The following TBC1D1 variants were observed in gnomAD, a reference collection of about 807,000 sequenced individuals.
TBC1D1 encodes the protein TBC1 domain family member 1.
In TBC1D1, 89 loss-of-function variants were observed where a neutral mutation model predicts 125.6. That is an observed-to-expected ratio of 0.71 (90% CI 0.60 to 0.85). The LOEUF is 0.85. Among genes scored for constraint, TBC1D1 ranks in the 40% least tolerant of loss-of-function variants. The probability of loss-of-function intolerance (pLI) is 0.00; values close to 1 mark genes in which losing one functional copy is unlikely to be tolerated. For synonymous variants in TBC1D1, 565 were observed against 564.1 expected (o/e 1.00, Z -0.02); for missense variants, 1,377 against 1,469.2 (o/e 0.94, Z 1.03).
In TBC1D1 at chr4:38,021,597, TATG is replaced by T; in HGVS notation, c.1094_1096del (p.Met365del). The T allele has an allele frequency of 6.4e-7, 1 of 1,554,614 alleles. No individual in the cohort carries two copies. The highest frequency in any genetic ancestry group is 2.1e-5 in the Admixed American group (1 of 48,462). On this transcript the variant is annotated inframe_deletion, in exon 6 of 20. Coordinates refer to ENST00000261439, the MANE Select transcript of TBC1D1 (RefSeq NM_015173.4). ...TTCTCTTTGATTAGGTTGATGAAAT[TATG>T]ATGACCCTGAAACAGGCCTTCACGG...
At position 38,014,787 on chromosome 4, in the gene TBC1D1, G is replaced by A; in HGVS notation, c.696G>A (p.Met232Ile). The A allele has an allele frequency of 6.3e-7, 1 of 1,589,370 alleles. No homozygotes were observed. Among genetic ancestry groups the A allele is most frequent in the South Asian group, 1.1e-5 (1 of 90,598 alleles). The change falls in exon 3 of 20, where the codon ATG (methionine) becomes ATA (isoleucine). Residue 232 changes from methionine (M) to isoleucine (I), a missense_variant. Met to Ile is a conservative substitution (Grantham distance 10). Transcript: ENST00000261439. The surrounding 1 kb of genome is among the most constrained non-coding windows in gnomAD (Gnocchi z 5.1). ...GCCAGGAGCCTGTGCGCAGGCCCAT[G>A]CGCAAGTCCTTCTCCCAGCCCGGCC...
rs1162171157 is a variant in TBC1D1 at position 37,942,836 on chromosome 4, G to A, written c.417+40324G>A. ...ATTACAGGCGTGAGCCACCGTGCCC[G>A]GCTAGGTTAATATTGTTATATGTGA... On this transcript the variant is annotated intron_variant, in intron 2 of 19. Transcript: ENST00000261439. 3.3e-5 allele frequency among the ~76,000 whole-genome samples: 5 copies of A among 151,954 alleles called. 1 individual carries two copies. The highest frequency in any genetic ancestry group is 9.7e-5 in the African/African-American group (4 of 41,384).
chr4:38,079,079 G>A (rs538914673), intron 12 of TBC1D1, among the ~76,000 whole-genome samples: 13 of 150,318 alleles, frequency 8.6e-5, no homozygotes, highest in African/African-American at 2.7e-4. Flanking sequence ...GGCTGAGGAG[G>A]CCAGGGCTGG....
At chr4:37,944,293 T>A (rs932355353) in intron 2 of TBC1D1, among the ~76,000 whole-genome samples, 1 of 152,148 alleles carries the variant, frequency 6.6e-6, no homozygotes, top group Non-Finnish European at 1.5e-5. Context: ...GGGACCCACT[T>A]GAGGAGGCAG....
At chr4:37,952,019 T>C (rs1242473585) in intron 2 of TBC1D1, 1 of 717,658 alleles carries the variant, frequency 1.4e-6, no homozygotes, top group Non-Finnish European at 2.6e-6. Flanking sequence ...TCATCATCAC[T>C]GTAGGGGACC....
intron 2 of TBC1D1, among the ~76,000 whole-genome samples, chr4:37,933,433 TACACACAC>T (rs3038289): frequency 0.078 from 11,512 of 147,248 alleles, 530 homozygotes; most frequent in East Asian, 0.18. Context: ...ACATATGTTT[TACACACAC>T]ACACACACAC....
intron 14 of TBC1D1, among the ~76,000 whole-genome samples, chr4:38,100,537 C>G (rs1473306852): frequency 1.3e-5 from 2 of 152,176 alleles, no homozygotes; most frequent in Non-Finnish European, 2.9e-5. Context: ...ATTATATCTG[C>G]AAAGAAGGTA....
At chr4:38,090,341 T>C (rs1045901244) in intron 13 of TBC1D1, among the ~76,000 whole-genome samples, 1 of 152,262 alleles carries the variant, frequency 6.6e-6, no homozygotes, top group African/African-American at 2.4e-5. Context: ...CTATGGTCAC[T>C]GTTAGTACAG....
At chr4:38,121,298 C>T (rs574392912) in intron 17 of TBC1D1, among the ~76,000 whole-genome samples, 1 of 152,310 alleles carries the variant, frequency 6.6e-6, no homozygotes, top group African/African-American at 2.4e-5. Flanking sequence ...GCAGTGCAAG[C>T]TCACATAGGA....
chr4:37,901,600 C>T (rs1577753396), intron 1 of TBC1D1, among the ~76,000 whole-genome samples: 1 of 152,210 alleles, frequency 6.6e-6, no homozygotes, highest in African/African-American at 2.4e-5. Context: ...ATTTGTGATT[C>T]AGAACCTCTA....
chr4:38,064,118 T>C (rs1753259901), intron 12 of TBC1D1, among the ~76,000 whole-genome samples: 2 of 152,142 alleles, frequency 1.3e-5, no homozygotes, highest in African/African-American at 2.4e-5. Context: ...GCTTCTTTGA[T>C]TTAACATGTT....
chr4:37,949,800 G>C (rs151213671), intron 2 of TBC1D1, among the ~76,000 whole-genome samples: 3 of 152,234 alleles, frequency 2.0e-5, no homozygotes, highest in South Asian at 2.1e-4. Context: ...ACAATAGACG[G>C]TACCAAAAGA....
At chr4:38,061,983 A>G (rs1202148645) in intron 12 of TBC1D1, among the ~76,000 whole-genome samples, 1 of 152,206 alleles carries the variant, frequency 6.6e-6, no homozygotes, top group African/African-American at 2.4e-5. Context: ...AAATACAAGC[A>G]TAGTGACATC....
chr4:37,948,881 C>T (rs144715920), intron 2 of TBC1D1, among the ~76,000 whole-genome samples: 1 of 152,272 alleles, frequency 6.6e-6, no homozygotes, highest in African/African-American at 2.4e-5. Context: ...TATGTGGTCT[C>T]TTCTGCCTGA....
chr4:37,977,575 G>A lies in TBC1D1; in HGVS notation c.418-36934G>A. The A allele has an allele frequency of 1.6e-6, 1 of 619,170 alleles. No homozygotes were observed. Among genetic ancestry groups the A allele is most frequent in the Non-Finnish European group, 2.1e-6 (1 of 484,246 alleles). The allele number at this position is 619,170 out of a possible 1,614,324, so 38.4% of individuals were successfully genotyped here. Reference sequence around the variant, plus strand: ...GCCCGTTACCGGAGCGGAGCGGCAGGCGCGGGGCTGGAACATTTGTAACCT... The same window carrying A: ...GCCCGTTACCGGAGCGGAGCGGCAGACGCGGGGCTGGAACATTTGTAACCT... On this transcript the variant is annotated intron_variant, in intron 2 of 19. Transcript: ENST00000261439. The surrounding 1 kb of genome is among the most constrained non-coding windows in gnomAD (Gnocchi z 4.3).
chr4:37,929,406 T>G (rs983474292), intron 2 of TBC1D1, among the ~76,000 whole-genome samples: 4 of 152,204 alleles, frequency 2.6e-5, no homozygotes, highest in Non-Finnish European at 4.4e-5. Flanking sequence ...AGTTTCAAAA[T>G]TTAGCAACCG....
intron 17 of TBC1D1, chr4:38,118,425 G>A (rs1191775268): frequency 2.9e-5 from 15 of 523,388 alleles, no homozygotes; most frequent in East Asian, 1.3e-4. Context: ...ATGTGGATCC[G>A]ATCCGTGTAG....
chr4:37,955,145 A>G (rs1728681651), intron 2 of TBC1D1, among the ~76,000 whole-genome samples: 1 of 152,188 alleles, frequency 6.6e-6, no homozygotes, highest in South Asian at 2.1e-4. Flanking sequence ...ATGTTGTAAA[A>G]CACAAGTTAA....
chr4:38,133,430 A>C (rs1316470286), intron 19 of TBC1D1, among the ~76,000 whole-genome samples, 173 bp downstream of exon 21: 1 of 152,160 alleles, frequency 6.6e-6, no homozygotes, highest in Non-Finnish European at 1.5e-5. Flanking sequence ...TTTATTATGG[A>C]GCAGACAGAT....
Sources: gnomAD v4.1 joint callset for allele counts (sites outside exome capture counted in the v4.1 genomes callset) on GRCh38, gnomAD v4.1.1 for gene constraint, Gnocchi (gnomAD v3.1) non-coding constraint, MANE v1.5 for transcripts, NCBI Gene and HGNC (gene_info 2026-07-23, HGNC 2026-07-21) for gene names.